SLC10A7: variants seen among roughly 807,000 people sequenced by gnomAD.
SLC10A7 encodes the protein solute carrier family 10 member 7, also known as sodium/bile acid cotransporter 7.
SLC10A7 carries 29 observed loss-of-function variants against 43.2 expected under a neutral mutation model. The ratio of observed to expected loss-of-function variants is 0.67; its 90% CI spans 0.50 to 0.92. The LOEUF is 0.92. SLC10A7 is among the 40% of genes least tolerant of loss of function. SLC10A7 has a pLI of 0.00. For missense variants in SLC10A7, 295 were observed against 403.2 expected (o/e 0.73, Z 2.30); for synonymous variants, 152 against 144.8 (o/e 1.05, Z -0.35).
chr4:146,479,892 T>A (rs1250751176), intron 4 of SLC10A7, among the ~76,000 whole-genome samples: 3 of 152,156 alleles, frequency 2.0e-5, no homozygotes, highest in African/African-American at 7.2e-5. Flanking sequence ...TTATACCACA[T>A]GTTAATGTAT....
At chr4:146,295,505 TA>T (rs1432829780) in intron 7 of SLC10A7, among the ~76,000 whole-genome samples, 7 of 152,110 alleles carry the variant, frequency 4.6e-5, no homozygotes, top group Non-Finnish European at 1.0e-4. Context: ...TCTTTAAATT[TA>T]AAACACAGTG....
At chr4:146,384,136 C>G (rs376432251) in intron 5 of SLC10A7, among the ~76,000 whole-genome samples, 14 of 152,094 alleles carry the variant, frequency 9.2e-5, no homozygotes, top group African/African-American at 3.4e-4. Context: ...CTCAAAAAAA[C>G]TGTACTAATC....
rs145568334 is a variant in SLC10A7 at position 146,313,902 on chromosome 4, T to G, written c.472-7893A>C. 7.9e-3 allele frequency among the ~76,000 whole-genome samples: 1,207 copies of G among 152,312 alleles called. 13 individuals are homozygous for G. Among genetic ancestry groups the G allele is most frequent in the African/African-American group, 0.028 (1,165 of 41,580 alleles). On this transcript the variant is annotated intron_variant, in intron 6 of 11. Transcript: ENST00000335472. ...TTGCCCAAATACGTTTTAAGTTTCT[T>G]CAAGGCAATTATTATGCCTGCTTCT...
At chr4:146,458,688 T>G (rs1474792180) in intron 4 of SLC10A7, among the ~76,000 whole-genome samples, 25 of 151,868 alleles carry the variant, frequency 1.6e-4, no homozygotes, top group Admixed American at 1.6e-3. Flanking sequence ...ATTGTAAAGG[T>G]TAAACAACTT....
chr4:146,424,392 G>A (rs1729173490), intron 5 of SLC10A7, among the ~76,000 whole-genome samples: 2 of 152,158 alleles, frequency 1.3e-5, no homozygotes, highest in African/African-American at 4.8e-5. Flanking sequence ...TGGGCACGGT[G>A]GCTCACGCCT....
intron 9 of SLC10A7, among the ~76,000 whole-genome samples, chr4:146,287,079 T>C (rs1222765737): frequency 2.7e-4 from 29 of 106,776 alleles, no homozygotes; most frequent in Middle Eastern, 6.0e-3. Context: ...TGAGAAGGAC[T>C]GTGTTTCGAG....
At chr4:146,328,856 G>T (rs1284371277) in intron 5 of SLC10A7, among the ~76,000 whole-genome samples, 1 of 152,180 alleles carries the variant, frequency 6.6e-6, no homozygotes, top group Non-Finnish European at 1.5e-5. Context: ...AAAATTGGAA[G>T]AAGCAACTGT....
chr4:146,363,005 G>A (rs139586228), intron 5 of SLC10A7, among the ~76,000 whole-genome samples: 1 of 152,028 alleles, frequency 6.6e-6, no homozygotes, highest in African/African-American at 2.4e-5. Context: ...AGTAGTAAGT[G>A]CTTACCTATA....
At chr4:146,339,560 G>A (rs1734113002) in intron 5 of SLC10A7, among the ~76,000 whole-genome samples, 1 of 151,940 alleles carries the variant, frequency 6.6e-6, no homozygotes, top group Admixed American at 6.6e-5. Context: ...CACCTCACAT[G>A]AGCATCATTG....
chr4:146,290,486 CAG>C (rs1194580726), intron 9 of SLC10A7, among the ~76,000 whole-genome samples: 5 of 151,892 alleles, frequency 3.3e-5, no homozygotes, highest in African/African-American at 1.2e-4. Context: ...GGAGGGGGTG[CAG>C]AGAGGGAGAA....
At chr4:146,258,643 A>G in intron 11 of SLC10A7, 49 bp downstream of exon 11, 1 of 1,540,116 alleles carries the variant, frequency 6.5e-7, no homozygotes, top group Non-Finnish European at 8.7e-7. Context: ...ATTCAGGAAC[A>G]GCATTTTAAT....
At chr4:146,512,560 T>C (rs1419315640) in intron 2 of SLC10A7, among the ~76,000 whole-genome samples, 1 of 152,202 alleles carries the variant, frequency 6.6e-6, no homozygotes, top group South Asian at 2.1e-4. Flanking sequence ...ACCTTGTTGA[T>C]GAGAATGCAG....
rs1022047883 is a variant in SLC10A7 at position 146,431,490 on chromosome 4, T to G, written c.435+11293A>C. Among the ~76,000 whole-genome samples the G allele has an allele frequency of 2.0e-5, 3 of 152,104 alleles. No homozygotes were observed. The South Asian group carries it at 6.2e-4, about 31-fold the overall frequency. On this transcript the variant is annotated intron_variant, in intron 5 of 11. Transcript: ENST00000335472. ...AATACACATGAATTTTTACCTGACA[T>G]TGTGATAGGAAAAAGCTTCATACGT...
At chr4:146,399,456 T>G (rs1220316582) in intron 5 of SLC10A7, among the ~76,000 whole-genome samples, 1 of 152,082 alleles carries the variant, frequency 6.6e-6, no homozygotes, top group African/African-American at 2.4e-5. Context: ...CTACAGCCAA[T>G]GTGTGGAGTC....
At chr4:146,494,277 C>T (rs924832052) in intron 4 of SLC10A7, among the ~76,000 whole-genome samples, 1 of 152,216 alleles carries the variant, frequency 6.6e-6, no homozygotes, top group South Asian at 2.1e-4. Flanking sequence ...AGGAATTAAG[C>T]ACATGCTTTG....
intron 5 of SLC10A7, among the ~76,000 whole-genome samples, chr4:146,400,557 C>T (rs1200511067): frequency 6.6e-5 from 10 of 152,038 alleles, no homozygotes; most frequent in Admixed American, 2.6e-4. Context: ...GTTTTCTGAA[C>T]ATCTACTAGA....
intron 9 of SLC10A7, among the ~76,000 whole-genome samples, chr4:146,286,754 G>C (rs373786394): frequency 2.7e-5 from 4 of 147,436 alleles, no homozygotes; most frequent in South Asian, 4.7e-4. Flanking sequence ...GACTGTGTTT[G>C]GAGTGGTGAG....
At chr4:146,348,408 T>C (rs1216418304) in intron 5 of SLC10A7, among the ~76,000 whole-genome samples, 1 of 152,216 alleles carries the variant, frequency 6.6e-6, no homozygotes, top group Non-Finnish European at 1.5e-5. Flanking sequence ...AATTTAGTTA[T>C]TCTCCCTTTC....
chr4:146,421,003 G>C (rs921160169), intron 5 of SLC10A7, among the ~76,000 whole-genome samples: 8 of 152,026 alleles, frequency 5.3e-5, no homozygotes, highest in Non-Finnish European at 1.0e-4. Flanking sequence ...CTCCAGCCTG[G>C]GGGACAGAGC....
Sources: gnomAD v4.1 joint callset for allele counts (sites outside exome capture counted in the v4.1 genomes callset) on GRCh38, gnomAD v4.1.1 for gene constraint, MANE v1.5 for transcripts, NCBI Gene and HGNC (gene_info 2026-07-23, HGNC 2026-07-21) for gene names.